The following TAMM41 variants were observed in gnomAD, a reference collection of about 807,000 sequenced individuals.
The protein encoded by TAMM41 is TAM41 mitochondrial translocator assembly and maintenance homolog.
Under a neutral mutation model 44.1 loss-of-function variants are expected in TAMM41, and 36 were observed. The ratio of observed to expected loss-of-function variants is 0.82; its 90% CI spans 0.63 to 1.08. TAMM41 has a LOEUF of 1.08. TAMM41 is among the 50% of genes least tolerant of loss of function. The probability of loss-of-function intolerance (pLI) is 0.00; values close to 1 mark genes in which losing one functional copy is unlikely to be tolerated. For missense variants in TAMM41, 417 were observed against 404.3 expected, an observed-to-expected ratio of 1.03 and a Z score of -0.27; for synonymous variants, 164 against 153.1, an observed-to-expected ratio of 1.07 and a Z score of -0.53.
chr3:11,832,197 T>C (rs2079007941), intron 3 of TAMM41, among the ~76,000 whole-genome samples: 2 of 151,922 alleles, frequency 1.3e-5, no homozygotes. Flanking sequence ...ATAACTTTCC[T>C]AAACCTTATA....
At chr3:11,771,669 G>A in the TAMM41 span, among the ~76,000 whole-genome samples, 16 of 151,886 alleles carry the variant, frequency 1.1e-4, no homozygotes, top group African/African-American at 3.1e-4. Flanking sequence ...TGCAACCTCC[G>A]CCTCCCAGGT....
intron 7 of TAMM41, among the ~76,000 whole-genome samples, chr3:11,796,403 T>C (rs897381972): frequency 1.3e-5 from 2 of 152,068 alleles, no homozygotes; most frequent in East Asian, 1.9e-4. Context: ...AGTGAAGAAA[T>C]GAATAATTCA....
intron 7 of TAMM41, among the ~76,000 whole-genome samples, chr3:11,795,458 T>A (rs965797406): frequency 3.3e-5 from 5 of 152,174 alleles, no homozygotes; most frequent in African/African-American, 1.2e-4. Context: ...CTGTCTGAAC[T>A]GCAATGACCT....
chr3:11,778,123 G>A, the TAMM41 span, among the ~76,000 whole-genome samples: 13,442 of 151,946 alleles, frequency 0.088, 1,372 homozygotes, highest in East Asian at 0.5. Context: ...TTTTATTGTC[G>A]GTTAACAGTC....
At chr3:11,819,660 C>T (rs1040486040) in intron 4 of TAMM41, among the ~76,000 whole-genome samples, 1 of 151,812 alleles carries the variant, frequency 6.6e-6, no homozygotes, top group Non-Finnish European at 1.5e-5. Context: ...TTTGTGAGGC[C>T]AAGGCCGGGG....
At chr3:11,805,282 A>G (rs1484858832) in intron 7 of TAMM41, among the ~76,000 whole-genome samples, 1 of 151,946 alleles carries the variant, frequency 6.6e-6, no homozygotes, top group African/African-American at 2.4e-5. Flanking sequence ...GATTACAGGC[A>G]TGAGTCACCA....
At chr3:11,817,844 AGAG>A (rs1317334182) in intron 4 of TAMM41, among the ~76,000 whole-genome samples, 1 of 152,240 alleles carries the variant, frequency 6.6e-6, no homozygotes, top group Non-Finnish European at 1.5e-5. Context: ...AAGTTCTGTA[AGAG>A]GAGGTTTGCA....
intron 7 of TAMM41, 42 bp from the exon 8 acceptor site, chr3:11,790,623 T>C (rs780269481): frequency 6.5e-7 from 1 of 1,526,908 alleles, no homozygotes; most frequent in Admixed American, 1.7e-5. Flanking sequence ...TGGAGGCTTG[T>C]TGAGTGGATG....
At chr3:11,741,668 T>C in the TAMM41 span, among the ~76,000 whole-genome samples, 1 of 150,300 alleles carries the variant, frequency 6.7e-6, no homozygotes, top group Non-Finnish European at 1.5e-5. Context: ...GGGAGAAAAT[T>C]TGTTTTTACC....
downstream of TAMM41, among the ~76,000 whole-genome samples, chr3:11,788,175 A>G (rs184442183): frequency 1.5e-3 from 231 of 152,354 alleles, 3 homozygotes; most frequent in African/African-American, 5.2e-3. Flanking sequence ...CTGTGCTCCA[A>G]TGAGTATCTA....
At chr3:11,726,745 G>A in the TAMM41 span, among the ~76,000 whole-genome samples, 7 of 151,054 alleles carry the variant, frequency 4.6e-5, no homozygotes, top group African/African-American at 1.5e-4. Flanking sequence ...GGAGTTTGCA[G>A]TGAGTTGAGA....
intron 3 of TAMM41, chr3:11,833,190 G>C: frequency 1.0e-5 from 13 of 1,269,746 alleles, no homozygotes; most frequent in African/African-American, 1.5e-5. Flanking sequence ...GTGAATAGCT[G>C]TTTGTATCTT....
downstream of TAMM41, among the ~76,000 whole-genome samples, chr3:11,786,706 T>C (rs548380768): frequency 1.3e-5 from 2 of 152,194 alleles, no homozygotes; most frequent in African/African-American, 2.4e-5. Context: ...GCTCAAGCAA[T>C]CCTCCCACCT....
the TAMM41 span, among the ~76,000 whole-genome samples, chr3:11,737,667 A>C: frequency 6.6e-6 from 1 of 152,196 alleles, no homozygotes; most frequent in Non-Finnish European, 1.5e-5. Context: ...GTATATCATC[A>C]AACTAAATAT....
chr3:11,776,786 G>A, the TAMM41 span, among the ~76,000 whole-genome samples: 1 of 152,222 alleles, frequency 6.6e-6, no homozygotes, highest in Non-Finnish European at 1.5e-5. Flanking sequence ...CAGCCCCATT[G>A]TAAGTCAAGG....
At chr3:11,760,196 G>A in the TAMM41 span, among the ~76,000 whole-genome samples, 2 of 152,110 alleles carry the variant, frequency 1.3e-5, no homozygotes, top group Non-Finnish European at 2.9e-5. Context: ...AATTGCCTAT[G>A]CTTCCCAAAG....
rs201198399 is a variant in TAMM41 at position 11,844,070 on chromosome 3, C to T, written c.277G>A (p.Ala93Thr). 2.2e-5 allele frequency: 35 copies of T among 1,614,026 alleles called. No homozygotes were observed. The highest frequency in any genetic ancestry group is 3.3e-5 in the Admixed American group (2 of 60,008). The change falls in exon 2 of 8, where the codon GCT becomes ACT. Residue 93 changes from alanine (A) to threonine (T), a missense_variant. Transcript: ENST00000455809. ...ATCAATGAATTGTAGTAAACTCCAGCGCCATAGTTATTCTGGATGGACGTG... is the reference window on the plus strand; with the variant it reads ...ATCAATGAATTGTAGTAAACTCCAGTGCCATAGTTATTCTGGATGGACGTG... The part of the protein sequence containing the change: ...IITSIQNNYG[A>T]GVYYNSLIMC...
intron 5 of TAMM41, among the ~76,000 whole-genome samples, chr3:11,810,602 T>C (rs1367262349): frequency 6.6e-6 from 1 of 152,198 alleles, no homozygotes; most frequent in Admixed American, 6.5e-5. Context: ...CTGTCTTGTA[T>C]CCTTTTAACA....
At chr3:11,815,537 T>C (rs1033423344) in intron 5 of TAMM41, among the ~76,000 whole-genome samples, 17 of 152,162 alleles carry the variant, frequency 1.1e-4, no homozygotes, top group African/African-American at 4.1e-4. Context: ...AACTTCATAA[T>C]GCCACAGCTC....
Sources: gnomAD v4.1 joint callset for allele counts (sites outside exome capture counted in the v4.1 genomes callset) on GRCh38, gnomAD v4.1.1 for gene constraint, MANE v1.5 for transcripts, NCBI Gene and HGNC (gene_info 2026-07-23, HGNC 2026-07-21) for gene names.